SDCCAG8: variants seen among roughly 807,000 people sequenced by gnomAD.
SDCCAG8 encodes serologically defined colon cancer antigen 8.
Under a neutral mutation model 101.8 loss-of-function variants are expected in SDCCAG8, and 74 were observed. The observed-to-expected ratio is 0.73, with a 90% CI of 0.60 to 0.88. The LOEUF (loss-of-function observed/expected upper bound fraction) is 0.88. Among genes scored for constraint, SDCCAG8 ranks in the 40% least tolerant of loss-of-function variants. SDCCAG8 has a pLI of 0.00. For missense variants in SDCCAG8, 787 were observed against 822.6 expected, an observed-to-expected ratio of 0.96 and a Z score of 0.53; for synonymous variants, 281 against 292.9, an observed-to-expected ratio of 0.96 and a Z score of 0.41.
chr1:243,388,476 G>A (rs189763191), intron 13 of SDCCAG8, among the ~76,000 whole-genome samples: 3 of 152,200 alleles, frequency 2.0e-5, no homozygotes, highest in South Asian at 4.2e-4. Flanking sequence ...ACTAAGTAAG[G>A]GGAAGTGCTC....
chr1:243,318,578 G>A (rs1035288506), intron 9 of SDCCAG8: 9 of 985,090 alleles, frequency 9.1e-6, no homozygotes, highest in Non-Finnish European at 9.6e-6. Flanking sequence ...ATGTCCATTT[G>A]TCTTTATCCA....
rs778711834 is a variant in SDCCAG8 at position 243,426,402 on chromosome 1, A to G, written c.1854-25A>G. The G allele has an allele frequency of 1.9e-6, 3 of 1,601,574 alleles. No homozygotes were observed. The East Asian group carries it at 6.7e-5, about 36-fold the overall frequency. On this transcript the variant is annotated intron_variant, in intron 15 of 17. Transcript: ENST00000366541. ...CTAGTAATAAGAACTTCTAACATCTATTATTTTTGTGTTTTCACCTCTAGA... is the reference window on the plus strand; with the variant it reads ...CTAGTAATAAGAACTTCTAACATCTGTTATTTTTGTGTTTTCACCTCTAGA...
At chr1:243,486,846 G>C (rs113267577) in intron 16 of SDCCAG8, among the ~76,000 whole-genome samples, 13 of 152,298 alleles carry the variant, frequency 8.5e-5, no homozygotes, top group African/African-American at 2.9e-4. Context: ...ACGTTTCCTG[G>C]CACCTTCTTG....
intron 16 of SDCCAG8, among the ~76,000 whole-genome samples, chr1:243,481,839 C>T (rs1025387130): frequency 3.3e-5 from 5 of 152,104 alleles, no homozygotes; most frequent in South Asian, 2.1e-4. Context: ...CACTGTAGTC[C>T]GTAGGTAGCT....
intron 15 of SDCCAG8, among the ~76,000 whole-genome samples, chr1:243,421,263 G>C (rs2080978209): frequency 6.6e-6 from 1 of 152,130 alleles, no homozygotes; most frequent in South Asian, 2.1e-4. Flanking sequence ...TAAACAAATA[G>C]ATTCCTACCA....
At chr1:243,268,226 C>T (rs1348761798) in intron 1 of SDCCAG8, 2 of 435,600 alleles carry the variant, frequency 4.6e-6, no homozygotes, top group South Asian at 2.4e-5. Context: ...CTAATAGATT[C>T]AATAAAGATA....
intron 15 of SDCCAG8, among the ~76,000 whole-genome samples, chr1:243,424,756 A>G (rs1273456469): frequency 2.6e-5 from 4 of 152,092 alleles, no homozygotes; most frequent in African/African-American, 7.2e-5. Flanking sequence ...AACCTATGAT[A>G]TATTTTAAAT....
At chr1:243,283,213 T>C (rs186797868) in intron 4 of SDCCAG8, among the ~76,000 whole-genome samples, 1 of 152,152 alleles carries the variant, frequency 6.6e-6, no homozygotes, top group African/African-American at 2.4e-5. Flanking sequence ...CTCTTTGTCT[T>C]TGATTTTCTG....
rs369591883 is a variant in SDCCAG8, at chr1:243,489,126, C to A, written c.2098C>A (p.Arg700=). The A allele has an allele frequency of 3.7e-6, 6 of 1,612,416 alleles. No homozygotes were observed. The East Asian group carries it at 6.7e-5, about 18-fold the overall frequency. Residue 700 remains arginine, a synonymous_variant, in exon 17 of 18, where the codon CGG becomes AGG. Coordinates refer to ENST00000366541, the MANE Select transcript of SDCCAG8 (RefSeq NM_006642.5). ...GCAGAGCCTGTCGGAAGAGGTGGAC[C>A]GGCTGCGGACCCAGGTACTGTGCAG... The part of the protein sequence containing the change: ...ERQSLSEEVD[R]LRTQLPSMPQ...
intron 9 of SDCCAG8, among the ~76,000 whole-genome samples, chr1:243,323,947 T>C (rs1368418428): frequency 1.3e-5 from 2 of 152,212 alleles, no homozygotes; most frequent in Non-Finnish European, 2.9e-5. Context: ...AACTTGTTTC[T>C]TGGTTTCCAC....
intron 12 of SDCCAG8, among the ~76,000 whole-genome samples, chr1:243,357,551 A>G (rs1312676849): frequency 2.0e-5 from 3 of 152,222 alleles, no homozygotes; most frequent in African/African-American, 7.2e-5. Context: ...CATTCTGTAT[A>G]TGATGAGACT....
In SDCCAG8 at chr1:243,342,067, A is replaced by G. The variant is rs1268554424; in HGVS notation, c.1356+894A>G. On this transcript the variant is annotated intron_variant, in intron 11 of 17. Transcript: ENST00000366541. The stretch of plus-strand genomic sequence containing the variant: ...ATTTTACCCTTTTTCTTGAGTTTCT[A>G]TAATTCTCCATTTGCTTTTAAAAAT... Among the ~76,000 whole-genome samples the G allele has an allele frequency of 7.2e-5, 11 of 152,194 alleles. No homozygotes were observed. In the East Asian group the frequency reaches 1.2e-3, roughly 16 times the overall value.
chr1:243,384,614 ACT>A (rs1053416622), intron 13 of SDCCAG8, among the ~76,000 whole-genome samples: 5 of 150,936 alleles, frequency 3.3e-5, no homozygotes, highest in Non-Finnish European at 7.4e-5. Context: ...ACACACACAC[ACT>A]CACTCTTAAA....
intron 15 of SDCCAG8, among the ~76,000 whole-genome samples, chr1:243,421,400 A>G (rs1202737539): frequency 6.6e-6 from 1 of 152,172 alleles, no homozygotes; most frequent in East Asian, 1.9e-4. Flanking sequence ...GCTTCATGCT[A>G]GGCTGCTCTG....
At chr1:243,271,178 A>C in intron 3 of SDCCAG8, 115 bp downstream of exon 3, 1 of 721,414 alleles carries the variant, frequency 1.4e-6, no homozygotes, top group Non-Finnish European at 2.5e-6. Context: ...AGTGAAAAAC[A>C]TTAAAAGTAA....
At chr1:243,470,308 T>A (rs907196138) in intron 16 of SDCCAG8, among the ~76,000 whole-genome samples, 5 of 152,156 alleles carry the variant, frequency 3.3e-5, no homozygotes, top group Non-Finnish European at 7.4e-5. Flanking sequence ...ATCACTCACA[T>A]GTGCTCACCA....
chr1:243,346,780 C>T (rs2075736150), intron 12 of SDCCAG8, among the ~76,000 whole-genome samples: 1 of 152,098 alleles, frequency 6.6e-6, no homozygotes, highest in Non-Finnish European at 1.5e-5. Context: ...ATGCTTCTTG[C>T]ACCAGAAAAA....
At chr1:243,483,390 G>C (rs971129054) in intron 16 of SDCCAG8, among the ~76,000 whole-genome samples, 18 of 152,148 alleles carry the variant, frequency 1.2e-4, no homozygotes, top group African/African-American at 4.3e-4. Flanking sequence ...GAGCACGAGC[G>C]CCCTCCGCGA....
intron 5 of SDCCAG8, among the ~76,000 whole-genome samples, chr1:243,289,718 A>G (rs2070028724): frequency 1.3e-5 from 2 of 152,186 alleles, no homozygotes; most frequent in South Asian, 4.1e-4. Flanking sequence ...CAAACCCAGG[A>G]CTATCTAATT....
Sources: allele counts gnomAD v4.1 joint callset (sites outside exome capture counted in the v4.1 genomes callset), GRCh38; gene constraint gnomAD v4.1.1; transcripts MANE v1.5; gene names NCBI Gene and HGNC (gene_info 2026-07-23, HGNC 2026-07-21).